IRF3: variants seen among roughly 807,000 people sequenced by gnomAD.
IRF3 encodes interferon regulatory factor 3.
A neutral mutation model predicts 43.2 loss-of-function variants in IRF3; 29 were observed. The observed-to-expected ratio is 0.67, with a 90% CI of 0.50 to 0.91. The LOEUF (loss-of-function observed/expected upper bound fraction) is 0.91. IRF3 is among the 40% of genes least tolerant of loss of function. The pLI, the probability that IRF3 is intolerant of heterozygous loss-of-function variation, is 0.00. For synonymous variants in IRF3, 228 were observed against 233.9 expected (o/e 0.97, Z 0.23); for missense variants, 505 against 559.1 (o/e 0.90, Z 0.98).
intron 1 of IRF3, chr19:49,665,079 G>A: frequency 3.9e-6 from 2 of 517,250 alleles, no homozygotes; most frequent in Non-Finnish European, 6.9e-6. Flanking sequence ...AGCGTCTTCA[G>A]TGCAGACCCT....
At chr19:49,664,603 G>C (rs771138155) in intron 2 of IRF3, 71 bp downstream of exon 2, 11 of 1,509,236 alleles carry the variant, frequency 7.3e-6, no homozygotes, top group Middle Eastern at 1.8e-4. Flanking sequence ...CTTCTCAGCC[G>C]GGCCCACTAG....
chr19:49,665,595 A>C (rs1472096432), intron 1 of IRF3, 36 bp downstream of exon 1: 4 of 545,934 alleles, frequency 7.3e-6, no homozygotes, highest in South Asian at 2.4e-5. Flanking sequence ...TCGCTCTCGG[A>C]CGCCACCAAC....
At chr19:49,661,826 A>G (rs887594012) in intron 6 of IRF3, 122 bp downstream of exon 6, 1 of 1,199,536 alleles carries the variant, frequency 8.3e-7, no homozygotes, top group African/African-American at 1.5e-5. Flanking sequence ...TCATCTGCCC[A>G]CCTCAGCCTC....
Position 49,665,636 on chromosome 19 carries a change from A to G in IRF3, c.-14T>C. On this transcript the variant is annotated 5_prime_UTR_variant, in exon 1 of 8. Coordinates refer to ENST00000377139, the MANE Select transcript of IRF3 (RefSeq NM_001571.6). ...CCCGGGCTCTTCCGCGTTACCTACG[A>G]TGGAAGGTCGGGGCGTGCGGGCAGC... The G allele has an allele frequency of 1.4e-6, 1 of 704,050 alleles. No homozygotes were observed. The highest frequency in any genetic ancestry group is 2.3e-6 in the Non-Finnish European group (1 of 435,736). 43.6% of individuals were successfully genotyped at this position (704,050 alleles called of 1,614,324 possible). A position where few individuals can be genotyped will look rare whatever the true frequency, so the allele number is the denominator to read the frequency against.
chr19:49,663,409 G>C lies in IRF3; in HGVS notation c.271C>G (p.Arg91Gly), dbSNP rs377410193. ...RSALNRKEGL[R>G]LAEDRSKDPH... The stretch of plus-strand genomic sequence containing the variant: ...TCCTTGCTCCGGTCCTCTGCTAAAC[G>C]CAACCCTTCTTTGCGGTTGAGGGCA... Residue 91 changes from arginine (R) to glycine (G), a missense_variant, in exon 3 of 8, where the codon CGT becomes GGT. By Grantham distance (125) the Arg-to-Gly change is moderately radical. Coordinates refer to ENST00000377139, the MANE Select transcript of IRF3 (RefSeq NM_001571.6). 5 of 1,614,070 alleles carry C rather than the reference G, an allele frequency of 3.1e-6. No individual in the cohort carries two copies. The African/African-American group carries it at 5.3e-5, about 17-fold the overall frequency.
rs1179809320 is a variant in IRF3 at position 49,665,857 on chromosome 19, T to C, written c.-235A>G. ...GCCCGCTGGGCTGTTCCCGCCCCTATGCCCTTTTTTGGGTTTCCGGCCAGA... is the reference window on the plus strand; with the variant it reads ...GCCCGCTGGGCTGTTCCCGCCCCTACGCCCTTTTTTGGGTTTCCGGCCAGA... On this transcript the variant is annotated 5_prime_UTR_variant, in exon 1 of 8. Transcript: ENST00000377139. The C allele has an allele frequency of 1.9e-6, 3 of 1,608,634 alleles. No individual in the cohort carries two copies. The highest frequency in any genetic ancestry group is 2.6e-6 in the Non-Finnish European group (3 of 1,175,558).
Position 49,660,785 on chromosome 19 carries a change from A to G in IRF3, c.1026T>C (p.Tyr342=), listed in dbSNP as rs2081290312. The part of the protein sequence containing the change: ...FTEGSGRSPR[Y]ALWFCVGESW... ...ACTCCCCCACACAGAACCAGAGGGCATAGCGTGGTGAGCGTCCGCTTCCTT... is the reference window on the plus strand; with the variant it reads ...ACTCCCCCACACAGAACCAGAGGGCGTAGCGTGGTGAGCGTCCGCTTCCTT... Residue 342 remains tyrosine (Y), a synonymous_variant, in exon 7 of 8, where the codon TAT becomes TAC. Transcript: ENST00000377139. 1 of 1,610,808 alleles carries G rather than the reference A, an allele frequency of 6.2e-7. No individual in the cohort carries two copies.
intron 4 of IRF3, 78 bp downstream of exon 4, chr19:49,663,110 G>A: frequency 1.6e-6 from 2 of 1,265,758 alleles, no homozygotes; most frequent in Non-Finnish European, 1.2e-6. Flanking sequence ...GGAGTGGGGG[G>A]ATCGTCTAGA....
In IRF3 at chr19:49,663,415, C is replaced by T. The variant is rs369809017; in HGVS notation, c.265G>A (p.Gly89Arg). ...NFRSALNRKE[G>R]LRLAEDRSKD... ...CTCCGGTCCTCTGCTAAACGCAACC[C>T]TTCTTTGCGGTTGAGGGCAGAGCGG... is the stretch of plus-strand genomic sequence containing the variant. Residue 89 changes from glycine to arginine, a missense_variant, in exon 3 of 8, where the codon GGG (glycine) becomes AGG (arginine). Physicochemically the swap from Gly to Arg is moderately radical, Grantham distance 125 (BLOSUM62 -2). Coordinates refer to ENST00000377139, the MANE Select transcript of IRF3 (RefSeq NM_001571.6). 19 of 1,614,082 alleles carry T rather than the reference C, an allele frequency of 1.2e-5. No homozygotes were observed. Among genetic ancestry groups the T allele is most frequent in the Admixed American group, 1.7e-5 (1 of 60,000 alleles).
chr19:49,662,006 A>G lies in IRF3; in HGVS notation c.924T>C (p.Asp308=). 5 of 1,613,918 alleles carry G rather than the reference A, an allele frequency of 3.1e-6. No individual in the cohort carries two copies. Among genetic ancestry groups the G allele is most frequent in the East Asian group, 2.2e-5 (1 of 44,848 alleles). Residue 308 remains aspartate (D), a synonymous_variant, in exon 6 of 8, where the codon GAT becomes GAC. Coordinates refer to ENST00000377139, the MANE Select transcript of IRF3 (RefSeq NM_001571.6). ...ELLPNSGHGP[D]GEVPKDKEGG... is the part of the protein sequence containing the mutation. ...CTTCCTTGTCCTTGGGGACCTCGCC[A>G]TCAGGCCCATGCCCGCTGTTGGGGA...
Position 49,659,823 on chromosome 19 carries a change from G to A in IRF3, c.1109C>T (p.Thr370Met), listed in dbSNP as rs963871762. ...KRLVMVKVVP[T>M]CLRALVEMAR... is the part of the protein sequence containing the mutation. The stretch of plus-strand genomic sequence containing the variant: ...CATTTCTACCAAGGCCCTGAGGCAC[G>A]TGGGCACAACCTGCAGGGGAAGTGG... Residue 370 changes from threonine (T) to methionine (M), a missense_variant, in exon 8 of 8, where the codon ACG becomes ATG. Thr to Met is a moderately conservative substitution (Grantham distance 81). Coordinates refer to ENST00000377139, the MANE Select transcript of IRF3 (RefSeq NM_001571.6). 7 of 1,589,068 alleles carry A rather than the reference G, an allele frequency of 4.4e-6. No homozygotes were observed. Among genetic ancestry groups the A allele is most frequent in the East Asian group, 2.2e-5 (1 of 44,554 alleles).
chr19:49,662,104 G>A lies in IRF3; in HGVS notation c.826C>T (p.Arg276Trp), dbSNP rs566321486. 49 of 1,613,612 alleles carry A rather than the reference G, an allele frequency of 3.0e-5. No homozygotes were observed. Among genetic ancestry groups the A allele is most frequent in the African/African-American group, 5.3e-5 (4 of 75,052 alleles). Reference protein sequence around the residue: ...SCLGGGLALWRAGQWLWAQRL... With the variant: ...SCLGGGLALWWAGQWLWAQRL... Reference sequence around the variant, plus strand: ...TGGGCCCAGAGCCACTGCCCGGCCCGCCAGAGAGCCAGTCCCCCACCCAGG... The same window carrying A: ...TGGGCCCAGAGCCACTGCCCGGCCCACCAGAGAGCCAGTCCCCCACCCAGG... The change falls in exon 6 of 8, where the codon CGG becomes TGG. Residue 276 changes from arginine (R) to tryptophan (W), a missense_variant. Arg to Trp is a moderately radical substitution (Grantham distance 101). Coordinates refer to ENST00000377139, the MANE Select transcript of IRF3 (RefSeq NM_001571.6).
At position 49,662,296 on chromosome 19, in the gene IRF3, C is replaced by T; in HGVS notation, c.634G>A (p.Gly212Ser). 6.2e-7 allele frequency: 1 copy of T among 1,613,728 alleles called. No homozygotes were observed. ...WEFEVTAFYRGRQVFQQTISC... is the reference protein window; with the variant it reads ...WEFEVTAFYRSRQVFQQTISC... ...ATGGTCTGCTGGAAGACTTGGCGGCCCCGGTAGAAGGCTGTCACCTCGAAC... is the reference window on the plus strand; with the variant it reads ...ATGGTCTGCTGGAAGACTTGGCGGCTCCGGTAGAAGGCTGTCACCTCGAAC... Residue 212 changes from glycine to serine, a missense_variant, in exon 6 of 8, where the codon GGC becomes AGC. Physicochemically the swap from Gly to Ser is moderately conservative, Grantham distance 56. Transcript: ENST00000377139.
intron 4 of IRF3, 54 bp from the exon 5 acceptor site, chr19:49,662,671 C>A: frequency 1.4e-5 from 20 of 1,383,618 alleles, no homozygotes; most frequent in Non-Finnish European, 2.0e-5. Flanking sequence ...TTTCTGGAGA[C>A]TTCATATGGA....
chr19:49,665,155 C>A, intron 1 of IRF3: 1 of 337,896 alleles, frequency 3.0e-6, no homozygotes. Flanking sequence ...TAAGTATCCC[C>A]ACTTTCAGGG....
At chr19:49,663,622 G>A (rs774057742) in intron 2 of IRF3, 108 bp from the exon 3 acceptor site, 21 of 1,071,452 alleles carry the variant, frequency 2.0e-5, no homozygotes, top group Non-Finnish European at 2.8e-5. Context: ...TCCCTGGCAA[G>A]TTCTAACTCT....
In IRF3 at chr19:49,661,859, G is replaced by A. The variant is rs2081345752; in HGVS notation, c.982+89C>T. 24 of 1,476,878 alleles carry A rather than the reference G, an allele frequency of 1.6e-5. 1 individual carries two copies. The highest frequency in any genetic ancestry group is 2.1e-5 in the Admixed American group (1 of 47,064). The allele number at this position is 1,476,878 out of a possible 1,614,324, so 91.5% of individuals were successfully genotyped here. ...CTCCCAAAGTGCTGGGACTACAGGC[G>A]TGAGCCACCGTGCCCGGCCAATCCT... On this transcript the variant is annotated intron_variant, in intron 6 of 7. Coordinates refer to ENST00000377139, the MANE Select transcript of IRF3 (RefSeq NM_001571.6).
In IRF3 at chr19:49,663,387, T is replaced by C; in HGVS notation, c.293A>G (p.Lys98Arg). The C allele has an allele frequency of 6.2e-7, 1 of 1,614,214 alleles. No homozygotes were observed. The highest frequency in any genetic ancestry group is 8.5e-7 in the Non-Finnish European group (1 of 1,180,032). The change falls in exon 3 of 8, where the codon AAG becomes AGG. Residue 98 changes from lysine (K) to arginine (R), a missense_variant. Coordinates refer to ENST00000377139, the MANE Select transcript of IRF3 (RefSeq NM_001571.6). ...EGLRLAEDRS[K>R]DPHDPHKIYE... The stretch of plus-strand genomic sequence containing the variant: ...GATTTTATGTGGGTCGTGAGGGTCC[T>C]TGCTCCGGTCCTCTGCTAAACGCAA...
At chr19:49,662,952 C>A (rs2081408078) in intron 4 of IRF3, among the ~76,000 whole-genome samples, 2 of 152,166 alleles carry the variant, frequency 1.3e-5, no homozygotes, top group Admixed American at 6.5e-5. Flanking sequence ...GGCTGACAGC[C>A]CCCTGCGAAT....
Sources: allele counts gnomAD v4.1 joint callset (sites outside exome capture counted in the v4.1 genomes callset), GRCh38; gene constraint gnomAD v4.1.1; transcripts MANE v1.5; gene names NCBI Gene and HGNC (gene_info 2026-07-23, HGNC 2026-07-21).